The following LGSN variants were observed in gnomAD, a reference collection of about 807,000 sequenced individuals.
LGSN encodes the protein lengsin.
LGSN carries 21 observed loss-of-function variants against 19.5 expected under a neutral mutation model. The observed-to-expected ratio is 1.07, with a 90% confidence interval of 0.76 to 1.55. The LOEUF is 1.55. LGSN is among the 40% of genes most tolerant of loss of function. The pLI is 0.00. For missense variants in LGSN, 673 were observed against 608.5 expected (o/e 1.11, Z -1.12); for synonymous variants, 257 against 215.6 (o/e 1.19, Z -1.68).
At chr6:63,482,285 C>T in the LGSN span, among the ~76,000 whole-genome samples, 1 of 148,754 alleles carries the variant, frequency 6.7e-6, no homozygotes, top group Admixed American at 6.7e-5. Flanking sequence ...AGAGCAATTC[C>T]TGGCACATGG....
chr6:63,557,868 A>AT, the LGSN span, among the ~76,000 whole-genome samples: 1 of 151,860 alleles, frequency 6.6e-6, no homozygotes, highest in Non-Finnish European at 1.5e-5. Context: ...TCAGATATGC[A>AT]TTTTTTAAAA....
the LGSN span, among the ~76,000 whole-genome samples, chr6:63,409,943 G>A: frequency 3.3e-5 from 5 of 152,216 alleles, no homozygotes; most frequent in South Asian, 1.0e-3. Context: ...GGCTGAGGCA[G>A]GAAGAACTGC....
chr6:63,538,834 T>C, the LGSN span, among the ~76,000 whole-genome samples: 2 of 152,170 alleles, frequency 1.3e-5, no homozygotes, highest in South Asian at 2.1e-4. Context: ...AGTTCTTTGG[T>C]GATGCTGATG....
intron 3 of LGSN, among the ~76,000 whole-genome samples, chr6:63,282,331 C>G (rs1187839253): frequency 6.6e-6 from 1 of 152,220 alleles, no homozygotes; most frequent in Non-Finnish European, 1.5e-5. Context: ...GCAAGCCAGA[C>G]ACTTTCCTTT....
the LGSN span, among the ~76,000 whole-genome samples, chr6:63,535,366 GC>G: frequency 6.6e-6 from 1 of 152,076 alleles, no homozygotes; most frequent in South Asian, 2.1e-4. Flanking sequence ...CAACTTGGGT[GC>G]CTGAGGCACG....
chr6:63,355,581 C>G, the LGSN span, among the ~76,000 whole-genome samples: 1 of 147,840 alleles, frequency 6.8e-6, no homozygotes, highest in African/African-American at 2.7e-5. Context: ...TCTCTGAAAC[C>G]TGGAGGAAAA....
chr6:63,280,626 A>G lies in LGSN; in HGVS notation c.925T>C (p.Cys309Arg). The part of the protein sequence containing the change: ...IASFFIETGF[C>R]DSGILSHSLW... ...CTATGAGACAAAATCCCTGAATCAC[A>G]AAATCCAGTCTCAATGAAGAAGCTG... is the stretch of plus-strand genomic sequence containing the variant. Residue 309 changes from cysteine (C) to arginine (R), a missense_variant, in exon 4 of 4, where the codon TGT becomes CGT. By Grantham distance (180) the Cys-to-Arg change is radical. Transcript: ENST00000370657. The G allele has an allele frequency of 6.2e-7, 1 of 1,614,086 alleles. No homozygotes were observed. Among genetic ancestry groups the G allele is most frequent in the South Asian group, 1.1e-5 (1 of 91,086 alleles).
At chr6:63,557,893 T>C in the LGSN span, among the ~76,000 whole-genome samples, 2 of 151,892 alleles carry the variant, frequency 1.3e-5, no homozygotes, top group African/African-American at 2.4e-5. Context: ...ACTGAACATA[T>C]GCTTTTTTTT....
At chr6:63,572,979 C>G in the LGSN span, among the ~76,000 whole-genome samples, 2 of 152,126 alleles carry the variant, frequency 1.3e-5, no homozygotes, top group South Asian at 2.1e-4. Flanking sequence ...GAGTCCCTCC[C>G]GAGCCCGGAG....
the LGSN span, among the ~76,000 whole-genome samples, chr6:63,568,705 C>T: frequency 6.6e-6 from 1 of 151,574 alleles, no homozygotes; most frequent in African/African-American, 2.4e-5. Flanking sequence ...GAAGGTATGC[C>T]TGTATACTAC....
At chr6:63,569,243 A>G in the LGSN span, among the ~76,000 whole-genome samples, 1 of 152,146 alleles carries the variant, frequency 6.6e-6, no homozygotes, top group Non-Finnish European at 1.5e-5. Context: ...TTCCTCTTCC[A>G]TAAAAATATC....
At chr6:63,419,036 A>G in the LGSN span, among the ~76,000 whole-genome samples, 3 of 152,260 alleles carry the variant, frequency 2.0e-5, no homozygotes, top group Admixed American at 6.5e-5. Context: ...TATCACCCAT[A>G]GGTAATGAGG....
the LGSN span, among the ~76,000 whole-genome samples, chr6:63,505,633 G>GAAAGAAAGAAATAAATAAATAAAT: frequency 7.2e-5 from 7 of 97,200 alleles, 1 homozygote; most frequent in African/African-American, 2.9e-4. Context: ...AAGAAAGAAA[G>GAAAGAAAGAAATAAATAAATAAAT]AAATTCTGGC....
chr6:63,486,150 A>C, the LGSN span, among the ~76,000 whole-genome samples: 446 of 152,278 alleles, frequency 2.9e-3, 2 homozygotes, highest in East Asian at 7.1e-3. Flanking sequence ...AAAACTAATA[A>C]ATTTGTACTT....
At chr6:63,309,400 C>T (rs893535353) in intron 1 of LGSN, among the ~76,000 whole-genome samples, 2 of 152,108 alleles carry the variant, frequency 1.3e-5, no homozygotes, top group African/African-American at 4.8e-5. Flanking sequence ...TCATTGCACT[C>T]CAGCCTGGGC....
At chr6:63,437,849 G>T in the LGSN span, among the ~76,000 whole-genome samples, 1 of 152,140 alleles carries the variant, frequency 6.6e-6, no homozygotes, top group South Asian at 2.1e-4. Context: ...AGAATCCCTT[G>T]AGCTCCGGAG....
chr6:63,284,165 A>G (rs1402710645), intron 3 of LGSN, among the ~76,000 whole-genome samples: 5 of 152,226 alleles, frequency 3.3e-5, no homozygotes, highest in Admixed American at 2.6e-4. Flanking sequence ...CTCTATGATC[A>G]TTAAATGAGA....
chr6:63,289,474 C>T (rs1163029642), intron 2 of LGSN, among the ~76,000 whole-genome samples: 1 of 152,054 alleles, frequency 6.6e-6, no homozygotes, highest in Non-Finnish European at 1.5e-5. Flanking sequence ...AGATAATTGC[C>T]AGTTCAGGAG....
the LGSN span, among the ~76,000 whole-genome samples, chr6:63,437,122 A>C: frequency 4.8e-5 from 2 of 41,856 alleles, no homozygotes; most frequent in Non-Finnish European, 6.9e-5. Context: ...AGAAAGGGAG[A>C]AGGAAAAGAA....
Sources: gnomAD v4.1 joint callset for allele counts (sites outside exome capture counted in the v4.1 genomes callset) on GRCh38, gnomAD v4.1.1 for gene constraint, MANE v1.5 for transcripts, NCBI Gene and HGNC (gene_info 2026-07-23, HGNC 2026-07-21) for gene names.